The following ALG13 variants were observed in gnomAD, a reference collection of about 807,000 sequenced individuals.
The protein encoded by ALG13 is UDP-N-acetylglucosamine transferase subunit ALG13.
A neutral mutation model predicts 87.8 loss-of-function variants in ALG13; 11 were observed. That is an observed-to-expected ratio of 0.13 (90% CI 0.08 to 0.21). The LOEUF is 0.21. ALG13 is among the 10% of genes least tolerant of loss of function. The pLI is 1.00. For synonymous variants in ALG13, 320 were observed against 306.3 expected (o/e 1.04, Z -0.47); for missense variants, 756 against 866.1 (o/e 0.87, Z 1.60).
rs1945631825 is a variant in ALG13, at chrX:111,760,350, T to G, written c.*351T>G. ...TTGGTTCAAAAATCACACATCATAT[T>G]AAACCATGCAGAATTGGAGTAACTT... On this transcript the variant is annotated 3_prime_UTR_variant, in exon 27 of 27. Transcript: ENST00000394780. 6.6e-6 allele frequency: 1 copy of G among 150,592 alleles called. No homozygotes were observed. Among genetic ancestry groups the G allele is most frequent in the South Asian group, 2.6e-4 (1 of 3,787 alleles). The allele number at this position is 150,592 out of a possible 1,213,427, so 12.4% of individuals were successfully genotyped here.
At chrX:111,755,732 A>C (rs1264796290) in intron 25 of ALG13, among the ~76,000 whole-genome samples, 1 of 112,672 alleles carries the variant, frequency 8.9e-6, no homozygotes, top group Non-Finnish European at 1.9e-5. Context: ...ATCTCATGCC[A>C]GTTAGAATGG....
chrX:111,736,620 T>G, intron 22 of ALG13, 94 bp from the exon 23 acceptor site: 2 of 859,013 alleles, frequency 2.3e-6, no homozygotes, highest in South Asian at 5.4e-5. Context: ...TTTAGTTTTC[T>G]AAACTAATTA....
chrX:111,694,603 C>T (rs745444093), intron 3 of ALG13, among the ~76,000 whole-genome samples: 225 of 111,882 alleles, frequency 2.0e-3, no homozygotes, highest in Non-Finnish European at 3.2e-3. Flanking sequence ...GGTGTTTACT[C>T]ATGGTTAAGT....
At chrX:111,688,679 T>G in intron 3 of ALG13, 1 of 751,117 alleles carries the variant, frequency 1.3e-6, no homozygotes, top group Non-Finnish European at 1.6e-6. Flanking sequence ...TTACTATTGT[T>G]TTTTAAGGAT....
At chrX:111,757,493 ATTTTTT>A in intron 25 of ALG13, 89 bp from the exon 26 acceptor site, 4 of 543,319 alleles carry the variant, frequency 7.4e-6, no homozygotes, top group East Asian at 8.9e-5. Flanking sequence ...CCCAATTCTT[ATTTTTT>A]TTTTTTTTTT....
intron 3 of ALG13, chrX:111,689,244 T>C: frequency 1.3e-6 from 1 of 749,548 alleles, no homozygotes; most frequent in Non-Finnish European, 1.6e-6. Flanking sequence ...CATAATTGTA[T>C]ATCAATGTTA....
At chrX:111,697,004 G>A (rs1233037187) in intron 3 of ALG13, among the ~76,000 whole-genome samples, 1 of 36,883 alleles carries the variant, frequency 2.7e-5, no homozygotes, top group Admixed American at 3.4e-4. Flanking sequence ...TTTTTTTTTT[G>A]GACCAAAGAA....
intron 3 of ALG13, among the ~76,000 whole-genome samples, chrX:111,706,403 CTG>C (rs1376432519): frequency 4.4e-5 from 5 of 112,581 alleles, no homozygotes; most frequent in African/African-American, 1.3e-4. Flanking sequence ...TCTTCCCAAA[CTG>C]TGTGTTTCAG....
chrX:111,742,823 T>C (rs909406143), intron 23 of ALG13, among the ~76,000 whole-genome samples: 1 of 112,570 alleles, frequency 8.9e-6, no homozygotes, highest in African/African-American at 3.2e-5. Flanking sequence ...AGACTACAGC[T>C]ACATGGATGG....
At chrX:111,719,969 A>G in intron 10 of ALG13, 126 bp from the exon 11 acceptor site, 1 of 449,578 alleles carries the variant, frequency 2.2e-6, no homozygotes, top group Non-Finnish European at 3.8e-6. Flanking sequence ...TGTTGGAATG[A>G]AAAAGCATTT....
chrX:111,737,246 A>C (rs1449166462), intron 23 of ALG13, among the ~76,000 whole-genome samples: 1 of 111,917 alleles, frequency 8.9e-6, no homozygotes, highest in Non-Finnish European at 1.9e-5. Flanking sequence ...TTCCTTTGTA[A>C]TGAATAATTG....
Position 111,709,659 on chromosome X carries a change from G to GT in ALG13, c.834+613dup, listed in dbSNP as rs1484264375. On this transcript the variant is annotated intron_variant, in intron 5 of 26. Transcript: ENST00000394780. ...TACACCTTCATGTATTTGAATTCTT[G>GT]TTAATGAAATTGGAGGCTTCCTTTT... Among the ~76,000 whole-genome samples the GT allele has an allele frequency of 1.7e-4, 18 of 107,518 alleles. No homozygotes were observed. In the East Asian group the frequency reaches 4.9e-3, roughly 29 times the overall value. The allele number at this position is 107,518 out of a possible 115,157, so 93.4% of individuals were successfully genotyped here.
At chrX:111,750,608 A>AT (rs765787753) in intron 24 of ALG13, among the ~76,000 whole-genome samples, 349 of 109,877 alleles carry the variant, frequency 3.2e-3, no homozygotes, top group Non-Finnish European at 4.9e-3. Flanking sequence ...TTCTGTCAGC[A>AT]TTTTTTTAGC....
chrX:111,694,267 G>A (rs1029427308), intron 3 of ALG13, among the ~76,000 whole-genome samples: 36 of 109,911 alleles, frequency 3.3e-4, no homozygotes, highest in African/African-American at 1.1e-3. Flanking sequence ...GGATGGTCTC[G>A]ATCTCCTGAC....
At chrX:111,724,909 C>T (rs1284405408) in intron 14 of ALG13, 25 bp from the exon 15 acceptor site, 1 of 1,205,674 alleles carries the variant, frequency 8.3e-7, no homozygotes, top group Non-Finnish European at 1.1e-6. Context: ...GCAGTATCTT[C>T]ATGGTGATAC....
intron 23 of ALG13, among the ~76,000 whole-genome samples, chrX:111,738,035 A>G (rs1292716207): frequency 8.9e-6 from 1 of 112,804 alleles, no homozygotes; most frequent in African/African-American, 3.2e-5. Flanking sequence ...GAATATCCCT[A>G]CAGACAATGA....
intron 15 of ALG13, among the ~76,000 whole-genome samples, chrX:111,725,412 G>GA (rs962974634): frequency 5.8e-4 from 64 of 110,945 alleles, no homozygotes; most frequent in Non-Finnish European, 1.1e-3. Flanking sequence ...GAGCTAAAAA[G>GA]AAAAAAATGA....
chrX:111,728,049 T>G, intron 18 of ALG13, 136 bp from the exon 19 acceptor site: 1 of 838,989 alleles, frequency 1.2e-6, no homozygotes, highest in Non-Finnish European at 1.7e-6. Flanking sequence ...TGGAAAACAT[T>G]TAATTACAGA....
chrX:111,716,944 T>G (rs1182078718), intron 8 of ALG13: 1 of 109,963 alleles, frequency 9.1e-6, no homozygotes, highest in Non-Finnish European at 1.9e-5. Flanking sequence ...TTTTTGTTTT[T>G]TTTTTAAGAG....
Sources: allele counts gnomAD v4.1 joint callset (sites outside exome capture counted in the v4.1 genomes callset), GRCh38; gene constraint gnomAD v4.1.1; transcripts MANE v1.5; gene names NCBI Gene and HGNC (gene_info 2026-07-23, HGNC 2026-07-21).